Variants in PIAS2 observed in about 807,000 individuals in gnomAD.
The protein encoded by PIAS2 is E3 SUMO-protein ligase PIAS2.
In PIAS2, 19 loss-of-function variants were observed where a neutral mutation model predicts 69.7. That is an observed-to-expected ratio of 0.27 (90% CI 0.19 to 0.40). The LOEUF is 0.40. Ranked by LOEUF, PIAS2 falls within the 10% of genes least tolerant of loss-of-function variation. The probability of loss-of-function intolerance (pLI) is 1.00; values close to 1 mark genes in which losing one functional copy is unlikely to be tolerated. For missense variants in PIAS2, 624 were observed against 757.0 expected (o/e 0.82, Z 2.06); for synonymous variants, 261 against 263.2 (o/e 0.99, Z 0.08).
intron 2 of PIAS2, among the ~76,000 whole-genome samples, chr18:46,881,150 G>A (rs1284092673): frequency 6.6e-6 from 1 of 152,098 alleles, no homozygotes; most frequent in Non-Finnish European, 1.5e-5. Context: ...CCACCAGTGT[G>A]GAGTTAGTCC....
At chr18:46,859,146 G>A (rs1466616280) in intron 3 of PIAS2, among the ~76,000 whole-genome samples, 1 of 152,072 alleles carries the variant, frequency 6.6e-6, no homozygotes, top group Admixed American at 6.6e-5. Context: ...AATCAATGAA[G>A]GGCCAGACGC....
intron 2 of PIAS2, 144 bp downstream of exon 2, chr18:46,890,436 G>A (rs1057282313): frequency 1.7e-6 from 1 of 590,352 alleles, no homozygotes; most frequent in African/African-American, 1.9e-5. Context: ...AGTCATGGTT[G>A]CCGAATTTTT....
intron 9 of PIAS2, among the ~76,000 whole-genome samples, chr18:46,836,087 T>G (rs2145091717): frequency 6.6e-6 from 1 of 152,326 alleles, no homozygotes; most frequent in Admixed American, 6.5e-5. Flanking sequence ...AACTTTTCCC[T>G]CTTTCCTGTG....
chr18:46,895,643 C>T (rs2054740397), intron 1 of PIAS2, among the ~76,000 whole-genome samples: 1 of 152,122 alleles, frequency 6.6e-6, no homozygotes, highest in Non-Finnish European at 1.5e-5. Context: ...TGCACTCCAG[C>T]CTGGGTGACA....
intron 11 of PIAS2, among the ~76,000 whole-genome samples, chr18:46,821,376 A>T (rs1432316984): frequency 6.6e-6 from 1 of 152,196 alleles, no homozygotes; most frequent in Non-Finnish European, 1.5e-5. Flanking sequence ...CATCACTTTT[A>T]TTAATATGTA....
intron 1 of PIAS2, among the ~76,000 whole-genome samples, chr18:46,905,570 G>C (rs1440417205): frequency 6.6e-6 from 1 of 151,694 alleles, no homozygotes; most frequent in African/African-American, 2.4e-5. Context: ...TTAAAAATTG[G>C]CAAACTTTTA....
chr18:46,892,519 T>C (rs1410628854), intron 1 of PIAS2, among the ~76,000 whole-genome samples: 1 of 151,982 alleles, frequency 6.6e-6, no homozygotes, highest in East Asian at 1.9e-4. Flanking sequence ...ACACCTATAA[T>C]CCCAGTGCTT....
In PIAS2 at chr18:46,829,752, G is replaced by C; in HGVS notation, c.1318C>G (p.Pro440Ala). 1.2e-6 allele frequency: 2 copies of C among 1,613,246 alleles called. No homozygotes were observed. The highest frequency in any genetic ancestry group is 3.3e-5 in the Admixed American group (2 of 59,904). Reference sequence around the variant, plus strand: ...CACATACTTTCTATTTTTGTACACGGTTGGCTGGATACTTTCATAGCTTCT... The same window carrying C: ...CACATACTTTCTATTTTTGTACACGCTTGGCTGGATACTTTCATAGCTTCT... ...KKEAMKVSSQ[P>A]CTKIESSSVL... is the part of the protein sequence containing the mutation. Residue 440 changes from proline to alanine, a missense_variant, in exon 10 of 14, where the codon CCG (proline) becomes GCG (alanine). By Grantham distance (27) the Pro-to-Ala change is conservative (BLOSUM62 -1). This residue lies in a region of PIAS2 where 241 missense variants were observed against 257.3 expected (regional missense o/e 0.94). Transcript: ENST00000585916.
At chr18:46,907,940 A>C (rs1208619120) in intron 1 of PIAS2, 1 of 152,146 alleles carries the variant, frequency 6.6e-6, no homozygotes, top group African/African-American at 2.4e-5. Flanking sequence ...CTAATCTGTT[A>C]AAGTTAGGAT....
upstream of PIAS2, among the ~76,000 whole-genome samples, chr18:46,918,511 A>G (rs1441073391): frequency 3.9e-5 from 6 of 151,926 alleles, no homozygotes; most frequent in Non-Finnish European, 7.4e-5. Flanking sequence ...CTGGAGTGCA[A>G]TGGCACGATC....
chr18:46,830,118 G>A (rs1243259630), intron 9 of PIAS2, among the ~76,000 whole-genome samples: 2 of 152,052 alleles, frequency 1.3e-5, no homozygotes, highest in Non-Finnish European at 2.9e-5. Context: ...AGTATAAATG[G>A]CTAGAGAGAA....
At chr18:46,845,380 G>A (rs1017598834) in intron 6 of PIAS2, among the ~76,000 whole-genome samples, 1 of 152,090 alleles carries the variant, frequency 6.6e-6, no homozygotes, top group Non-Finnish European at 1.5e-5. Context: ...AGTAAATCAC[G>A]CAAATGAACC....
At chr18:46,839,775 G>A (rs1433660561) in intron 8 of PIAS2, among the ~76,000 whole-genome samples, 3 of 150,200 alleles carry the variant, frequency 2.0e-5, no homozygotes, top group Non-Finnish European at 4.4e-5. Flanking sequence ...TGAGGCAGGA[G>A]AATCACTTGA....
chr18:46,858,052 T>C (rs2048096355), intron 3 of PIAS2, among the ~76,000 whole-genome samples: 1 of 151,960 alleles, frequency 6.6e-6, no homozygotes, highest in Non-Finnish European at 1.5e-5. Flanking sequence ...AGGGGACGTA[T>C]GAATTGAACT....
At chr18:46,822,791 G>C (rs969782195) in intron 11 of PIAS2, among the ~76,000 whole-genome samples, 1 of 152,156 alleles carries the variant, frequency 6.6e-6, no homozygotes, top group African/African-American at 2.4e-5. Flanking sequence ...TGGGGTATAC[G>C]TGAGTGCTGG....
At chr18:46,824,353 C>T (rs2042554470) in intron 11 of PIAS2, among the ~76,000 whole-genome samples, 1 of 152,146 alleles carries the variant, frequency 6.6e-6, no homozygotes, top group Non-Finnish European at 1.5e-5. Context: ...GATTATCAAT[C>T]TGGAGACATA....
chr18:46,893,528 T>G (rs1283236760), intron 1 of PIAS2: 3 of 803,896 alleles, frequency 3.7e-6, no homozygotes, highest in Admixed American at 6.2e-5. Context: ...ACTGGCTCTA[T>G]GGGCTGTTGT....
intron 2 of PIAS2, among the ~76,000 whole-genome samples, chr18:46,889,209 GCAA>G (rs1361678470): frequency 3.9e-5 from 6 of 152,228 alleles, no homozygotes; most frequent in African/African-American, 7.2e-5. Flanking sequence ...AAAGGCATAG[GCAA>G]CAACAACAAA....
chr18:46,867,257 A>G (rs2145650047), intron 2 of PIAS2, among the ~76,000 whole-genome samples: 1 of 152,288 alleles, frequency 6.6e-6, no homozygotes, highest in South Asian at 2.1e-4. Context: ...CCCAGTATCT[A>G]TAGAAAAATG....
Sources: allele counts gnomAD v4.1 joint callset (sites outside exome capture counted in the v4.1 genomes callset), GRCh38; gene constraint gnomAD v4.1.1; regional missense constraint gnomAD v4.1.1; transcripts MANE v1.5; gene names NCBI Gene and HGNC (gene_info 2026-07-23, HGNC 2026-07-21).